HBEGF: variants seen among roughly 807,000 people sequenced by gnomAD.
The protein encoded by HBEGF is proheparin-binding EGF-like growth factor.
A neutral mutation model predicts 19.5 loss-of-function variants in HBEGF; 8 were observed. The observed-to-expected ratio is 0.41, with a 90% CI of 0.24 to 0.74. The LOEUF is 0.74. HBEGF is among the 30% of genes least tolerant of loss of function. The probability of loss-of-function intolerance (pLI) is 0.32; values close to 1 mark genes in which losing one functional copy is unlikely to be tolerated. For missense variants in HBEGF, 207 were observed against 256.9 expected (o/e 0.81, Z 1.33); for synonymous variants, 97 against 108.9 (o/e 0.89, Z 0.68).
chr5:140,345,530 T>C (rs1436621557), intron 2 of HBEGF, among the ~76,000 whole-genome samples: 1 of 152,200 alleles, frequency 6.6e-6, no homozygotes, highest in African/African-American at 2.4e-5. Flanking sequence ...CTCTATTTTA[T>C]ATATAATAGT....
At chr5:140,339,600 G>A (rs1043334904) in intron 3 of HBEGF, among the ~76,000 whole-genome samples, 3 of 152,002 alleles carry the variant, frequency 2.0e-5, no homozygotes, top group Non-Finnish European at 1.5e-5. Flanking sequence ...CTCTATGTTG[G>A]CCAGGCTGGT....
chr5:140,339,632 G>A (rs957392729), intron 3 of HBEGF, among the ~76,000 whole-genome samples: 2 of 152,178 alleles, frequency 1.3e-5, no homozygotes, highest in African/African-American at 4.8e-5. Context: ...GACCTCAGGC[G>A]ACCCACGTGC....
rs1766183894 is a variant in HBEGF, at chr5:140,333,466, G to A, written c.*833C>T. On this transcript the variant is annotated 3_prime_UTR_variant, in exon 6 of 6. Transcript: ENST00000230990. ...CCTGACCATACAGAGCTCCCGCAGT[G>A]GCACTCTGACCACGGAAGATCTGCA... 1.3e-5 allele frequency: 2 copies of A among 152,820 alleles called. No homozygotes were observed. The highest frequency in any genetic ancestry group is 6.6e-5 in the Admixed American group (1 of 15,262). 9.5% of individuals were successfully genotyped at this position (152,820 alleles called of 1,614,324 possible). A position where few individuals can be genotyped will look rare whatever the true frequency, so the allele number is the denominator to read the frequency against.
intron 3 of HBEGF, among the ~76,000 whole-genome samples, chr5:140,341,670 G>C (rs1766313172): frequency 6.6e-6 from 1 of 152,234 alleles, no homozygotes; most frequent in East Asian, 1.9e-4. Context: ...CCGCCTTCTT[G>C]ACAGGCTGGA....
At position 140,336,019 on chromosome 5, in the gene HBEGF, G is replaced by A. The variant is rs370410558; in HGVS notation, c.407C>T (p.Pro136Leu). 73 of 1,613,688 alleles carry A rather than the reference G, an allele frequency of 4.5e-5. No individual in the cohort carries two copies. Among genetic ancestry groups the A allele is most frequent in the Non-Finnish European group, 5.4e-5 (64 of 1,179,900 alleles). Residue 136 changes from proline to leucine, a missense_variant, in exon 4 of 6, where the codon CCG (proline) becomes CTG (leucine). Pro to Leu is a moderately conservative substitution (Grantham distance 98). Coordinates refer to ENST00000230990, the MANE Select transcript of HBEGF (RefSeq NM_001945.3). ...ATGACACCTCTCTCCATGGTAACCC[G>A]GGTGGCAGCTAGTTCAAGACAGAAC... ...ELRAPSCICH[P>L]GYHGERCHGL... is the part of the protein sequence containing the mutation.
intron 2 of HBEGF, 119 bp from the exon 3 acceptor site, chr5:140,342,931 C>T: frequency 9.7e-7 from 1 of 1,028,068 alleles, no homozygotes; most frequent in Non-Finnish European, 1.5e-6. Context: ...TCTGGGAAGG[C>T]CCCTTAGCTC....
chr5:140,342,468 G>C (rs528438531), intron 3 of HBEGF, among the ~76,000 whole-genome samples, 167 bp downstream of exon 3: 1 of 152,246 alleles, frequency 6.6e-6, no homozygotes, highest in East Asian at 1.9e-4. Flanking sequence ...TAGGGGGGAG[G>C]GGGCTTCCGC....
intron 3 of HBEGF, among the ~76,000 whole-genome samples, chr5:140,338,783 C>A (rs1766265193): frequency 6.6e-6 from 1 of 152,170 alleles, no homozygotes; most frequent in South Asian, 2.1e-4. Flanking sequence ...ATTCTTCCCA[C>A]CCACGTCTGT....
At chr5:140,334,923 C>G (rs1218625058) in intron 4 of HBEGF, 175 bp from the exon 5 acceptor site, 2 of 626,422 alleles carry the variant, frequency 3.2e-6, no homozygotes, top group East Asian at 5.4e-5. Flanking sequence ...GAACTCCTGT[C>G]TCTAATAGCA....
rs1439134368 is a variant in HBEGF, at chr5:140,342,789, C to T, written c.244G>A (p.Ala82Thr). The part of the protein sequence containing the change: ...LRVTLSSKPQ[A>T]LATPNKEEHG... ...TCCTCCTTGTTTGGTGTGGCCAGTG[C>T]TTGTGGCTTGGAGGATAAAGTGACT... Residue 82 changes from alanine (A) to threonine (T), a missense_variant, in exon 3 of 6, where the codon GCA (alanine) becomes ACA (threonine). This residue lies in a region of HBEGF where 127 missense variants were observed against 132.7 expected (regional missense o/e 0.96). Coordinates refer to ENST00000230990, the MANE Select transcript of HBEGF (RefSeq NM_001945.3). 8 of 1,614,072 alleles carry T rather than the reference C, an allele frequency of 5.0e-6. No homozygotes were observed. The highest frequency in any genetic ancestry group is 3.3e-4 in the Middle Eastern group (2 of 6,084).
intron 3 of HBEGF, among the ~76,000 whole-genome samples, chr5:140,341,377 C>T (rs879375834): frequency 1.3e-5 from 2 of 152,206 alleles, no homozygotes; most frequent in Non-Finnish European, 2.9e-5. Context: ...TGCCATTTTA[C>T]AAATTTAAGA....
In HBEGF at chr5:140,345,920, G is replaced by T. The variant is rs750816369; in HGVS notation, c.211C>A (p.Leu71Ile). Reference protein sequence around the residue: ...VRDLQEADLDLLRVTLSSKPQ... With the variant: ...VRDLQEADLDILRVTLSSKPQ... ...GGGCCTCCACACCCACCTCTCAAAA[G>T]GTCCAGATCTGCCTCTTGCAAGTCA... The change falls in exon 2 of 6, where the codon CTT becomes ATT. Residue 71 changes from leucine (L) to isoleucine (I), a missense_variant. Physicochemically the swap from Leu to Ile is conservative, Grantham distance 5. This residue lies in a region of HBEGF where 127 missense variants were observed against 132.7 expected (regional missense o/e 0.96). Transcript: ENST00000230990. The T allele has an allele frequency of 5.0e-6, 8 of 1,614,152 alleles. No homozygotes were observed. The South Asian group carries it at 5.5e-5, about 11-fold the overall frequency.
intron 3 of HBEGF, among the ~76,000 whole-genome samples, chr5:140,341,831 G>C (rs996421749): frequency 6.6e-5 from 10 of 152,198 alleles, no homozygotes; most frequent in Non-Finnish European, 1.5e-4. Context: ...GCCTGCCAGA[G>C]AGCATGGCAG....
intron 3 of HBEGF, among the ~76,000 whole-genome samples, chr5:140,336,280 C>G (rs1437131185): frequency 6.6e-6 from 1 of 152,142 alleles, no homozygotes; most frequent in Non-Finnish European, 1.5e-5. Flanking sequence ...GCTGAGAATC[C>G]TGTTCTAGGC....
intron 3 of HBEGF, among the ~76,000 whole-genome samples, chr5:140,339,205 G>T (rs1409411572): frequency 6.6e-6 from 1 of 152,146 alleles, no homozygotes; most frequent in South Asian, 2.1e-4. Flanking sequence ...AGAGAAGCGG[G>T]ATCACCATTC....
At chr5:140,336,328 G>C (rs1220398533) in intron 3 of HBEGF, among the ~76,000 whole-genome samples, 2 of 152,220 alleles carry the variant, frequency 1.3e-5, no homozygotes, top group Non-Finnish European at 2.9e-5. Flanking sequence ...GCCTCAGCTA[G>C]ATATGTTCCA....
At chr5:140,336,834 T>C (rs903893472) in intron 3 of HBEGF, among the ~76,000 whole-genome samples, 24 of 146,316 alleles carry the variant, frequency 1.6e-4, no homozygotes, top group East Asian at 5.8e-4. Flanking sequence ...TTTTCTTTTT[T>C]TTTTTTTTTT....
chr5:140,337,653 C>T (rs1184793640), intron 3 of HBEGF, among the ~76,000 whole-genome samples: 1 of 152,170 alleles, frequency 6.6e-6, no homozygotes, highest in Non-Finnish European at 1.5e-5. Flanking sequence ...TGCTTTCCTG[C>T]CCTGAGCCTC....
At chr5:140,342,943 G>A (rs923469259) in intron 2 of HBEGF, 131 bp from the exon 3 acceptor site, 2 of 879,236 alleles carry the variant, frequency 2.3e-6, no homozygotes, top group African/African-American at 3.4e-5. Flanking sequence ...CCTTAGCTCA[G>A]TGCCTCCTAA....
Sources: allele counts gnomAD v4.1 joint callset (sites outside exome capture counted in the v4.1 genomes callset), GRCh38; gene constraint gnomAD v4.1.1; regional missense constraint gnomAD v4.1.1; transcripts MANE v1.5; gene names NCBI Gene and HGNC (gene_info 2026-07-23, HGNC 2026-07-21).